IQGAP2: variants seen among roughly 807,000 people sequenced by gnomAD.
IQGAP2 encodes the protein ras GTPase-activating-like protein IQGAP2.
A neutral mutation model predicts 201.3 loss-of-function variants in IQGAP2; 173 were observed. The ratio of observed to expected loss-of-function variants is 0.86; its 90% CI spans 0.76 to 0.98. The LOEUF (loss-of-function observed/expected upper bound fraction) is 0.98, where lower values mean the gene tolerates loss of function less well. Ranked by LOEUF, IQGAP2 falls within the 50% of genes least tolerant of loss-of-function variation. The pLI is 0.00. For synonymous variants in IQGAP2, 675 were observed against 673.9 expected (o/e 1.00, Z -0.03); for missense variants, 1,687 against 1,864.8 (o/e 0.90, Z 1.76).
At chr5:76,525,640 G>T (rs759427484) in intron 2 of IQGAP2, among the ~76,000 whole-genome samples, 1 of 152,194 alleles carries the variant, frequency 6.6e-6, no homozygotes, top group Non-Finnish European at 1.5e-5. Context: ...AGCTCCTTTA[G>T]CAGGCTGAAA....
At chr5:76,654,299 C>T (rs369745220) in intron 19 of IQGAP2, 28 bp downstream of exon 19, 1 of 1,453,894 alleles carries the variant, frequency 6.9e-7, no homozygotes, top group Non-Finnish European at 9.6e-7. Context: ...GGGATTTTAT[C>T]CAGGTTGATA....
intron 16 of IQGAP2, among the ~76,000 whole-genome samples, chr5:76,640,062 AT>A: frequency 6.6e-6 from 1 of 152,336 alleles, no homozygotes; most frequent in African/African-American, 2.4e-5. Flanking sequence ...GTCTGTTAAG[AT>A]TATTAACCAG....
rs1330208366 is a variant in IQGAP2, at chr5:76,674,699, C to T, written c.3517C>T (p.Gln1173Ter). 1 of 1,610,004 alleles carries T rather than the reference C, an allele frequency of 6.2e-7. No individual in the cohort carries two copies. Among genetic ancestry groups the T allele is most frequent in the Admixed American group, 1.7e-5 (1 of 60,014 alleles). The change falls in exon 27 of 36, where the codon CAG becomes TAG. Residue 1173 changes from glutamine (Q) to a stop codon, truncating the protein, a stop_gained. Transcript: ENST00000274364. LOFTEE classifies it high-confidence loss of function. The stretch of plus-strand genomic sequence containing the variant: ...GAACAATTATTTATCAGAGACGTAT[C>T]AGGAATTCAGGTGAGAGGGGCCCTT... ...SMNNYLSETY[Q>*]EFRKYFKEAC... is the part of the protein sequence containing the mutation.
Position 76,487,252 on chromosome 5 carries a change from C to T in IQGAP2, c.146+25583C>T, listed in dbSNP as rs1756218047. Among the ~76,000 whole-genome samples, 3 of 152,202 alleles carry T rather than the reference C, an allele frequency of 2.0e-5. No individual in the cohort carries two copies. The South Asian group carries it at 6.2e-4, about 32-fold the overall frequency. ...TAGCTGGGATTACAGGTGCCCACCA[C>T]CACGCCCAGCTAATTTTTGGATTTT... On this transcript the variant is annotated intron_variant, in intron 2 of 35. Transcript: ENST00000274364.
chr5:76,441,821 G>A (rs901824457), intron 1 of IQGAP2, among the ~76,000 whole-genome samples: 4 of 152,164 alleles, frequency 2.6e-5, no homozygotes, highest in African/African-American at 9.7e-5. Context: ...CCATAAAGAG[G>A]GCATTCAAAG....
chr5:76,457,637 A>T (rs1754180317), intron 1 of IQGAP2, among the ~76,000 whole-genome samples: 2 of 152,160 alleles, frequency 1.3e-5, no homozygotes, highest in African/African-American at 4.8e-5. Context: ...GGGGAAATTA[A>T]ACAGCGACCA....
At chr5:76,698,599 C>T (rs973677660) in intron 33 of IQGAP2, among the ~76,000 whole-genome samples, 6 of 152,098 alleles carry the variant, frequency 3.9e-5, no homozygotes. Flanking sequence ...ATTATTGACA[C>T]AACTGGCAAA....
chr5:76,509,029 A>ATGTG (rs70982616), intron 2 of IQGAP2, among the ~76,000 whole-genome samples: 1,797 of 148,930 alleles, frequency 0.012, 12 homozygotes, highest in Middle Eastern at 0.024. Context: ...CTGTATATAT[A>ATGTG]TGTGTGTGTG....
Position 76,558,901 on chromosome 5 carries a change from CT to C in IQGAP2, c.147-3484del, listed in dbSNP as rs543155441. Among the ~76,000 whole-genome samples, 41 of 147,504 alleles carry C rather than the reference CT, an allele frequency of 2.8e-4. 1 individual carries two copies. The South Asian group carries it at 4.1e-3, about 15-fold the overall frequency. ...GGCTGGTAATCTCTTGTCTGTTTTT[CT>C]TTTTTTTTTTCTTTTTGAGACGGAG... On this transcript the variant is annotated intron_variant, in intron 2 of 35. Transcript: ENST00000274364.
At chr5:76,626,265 C>CTTTTTTTTTTTTTTTTT (rs1750218703) in intron 13 of IQGAP2, among the ~76,000 whole-genome samples, 1 of 57,484 alleles carries the variant, frequency 1.7e-5, no homozygotes, top group Non-Finnish European at 3.4e-5. Flanking sequence ...TTTTTTTCTT[C>CTTTTTTTTTTTTTTTTT]TTTTCTTTTT....
At position 76,627,530 on chromosome 5, in the gene IQGAP2, C is replaced by T. The variant is rs756840214; in HGVS notation, c.1612+30C>T. 7.2e-5 allele frequency: 91 copies of T among 1,270,588 alleles called. No individual in the cohort carries two copies. In the East Asian group the frequency reaches 2.0e-3, roughly 29 times the overall value. The allele number at this position is 1,270,588 out of a possible 1,614,324, so 78.7% of individuals were successfully genotyped here. A position where few individuals can be genotyped will look rare whatever the true frequency, so the allele number is the denominator to read the frequency against. The stretch of plus-strand genomic sequence containing the variant: ...GCCCTCACCTCCTTTGCTCTTGAAA[C>T]TTGCCTTTTTGGATTTGGTTATGTG... On this transcript the variant is annotated intron_variant, in intron 14 of 35. Transcript: ENST00000274364.
intron 2 of IQGAP2, among the ~76,000 whole-genome samples, chr5:76,554,565 T>C (rs207466140): frequency 3.3e-5 from 5 of 152,206 alleles, no homozygotes; most frequent in Non-Finnish European, 5.9e-5. Flanking sequence ...AAAAAGAAGC[T>C]GAATATCATT....
intron 1 of IQGAP2, among the ~76,000 whole-genome samples, chr5:76,413,156 C>CTTTTTTTTTTTTTTTTTTTTTTT (rs567410789): frequency 2.4e-5 from 2 of 83,720 alleles, no homozygotes; most frequent in Admixed American, 1.5e-4. Flanking sequence ...TTTCTTTTCT[C>CTTTTTTTTTTTTTTTTTTTTTTT]TTTTTTTTTT....
chr5:76,626,245 TTC>T (rs1420495283), intron 13 of IQGAP2, among the ~76,000 whole-genome samples: 9 of 139,024 alleles, frequency 6.5e-5, no homozygotes, highest in Non-Finnish European at 1.2e-4. Context: ...TGTATTATAA[TTC>T]TTTTTCTTTT....
At chr5:76,685,269 A>C (rs1172997640) in intron 30 of IQGAP2, among the ~76,000 whole-genome samples, 4 of 152,220 alleles carry the variant, frequency 2.6e-5, no homozygotes, top group Non-Finnish European at 5.9e-5. Flanking sequence ...AACAAGTGCC[A>C]ATTATAAAGA....
chr5:76,620,790 C>A (rs2069661), intron 13 of IQGAP2, among the ~76,000 whole-genome samples: 3,863 of 152,098 alleles, frequency 0.025, 65 homozygotes, highest in South Asian at 0.077. Context: ...AAGATGAAAT[C>A]GGTATGAGGA....
chr5:76,570,901 C>T (rs1412654725), intron 4 of IQGAP2, among the ~76,000 whole-genome samples: 1 of 152,148 alleles, frequency 6.6e-6, no homozygotes, highest in East Asian at 1.9e-4. Context: ...CAAGCTATAG[C>T]TGGTAGATAG....
rs540744402 is a variant in IQGAP2 at position 76,667,877 on chromosome 5, C to CTT, written c.2680-782_2680-781dup. ...TGTAGCCGGGCCCTTAGTCCACTTT[C>CTT]TTTTTTTTTTTTTTTTTTTTTTTGA... On this transcript the variant is annotated intron_variant, in intron 22 of 35. Coordinates refer to ENST00000274364, the MANE Select transcript of IQGAP2 (RefSeq NM_006633.5). 3.9e-4 allele frequency among the ~76,000 whole-genome samples: 48 copies of CTT among 123,416 alleles called. 1 individual carries two copies. Among genetic ancestry groups the CTT allele is most frequent in the African/African-American group, 8.8e-4 (28 of 31,942 alleles). 81.0% of individuals were successfully genotyped at this position (123,416 alleles called of 152,430 possible). A position where few individuals can be genotyped will look rare whatever the true frequency, so the allele number is the denominator to read the frequency against.
intron 1 of IQGAP2, among the ~76,000 whole-genome samples, chr5:76,450,759 A>T (rs191219012): frequency 5.3e-4 from 80 of 152,290 alleles, no homozygotes; most frequent in African/African-American, 1.8e-3. Context: ...TTCATATCCT[A>T]CTTAAACCAG....
Sources: allele counts gnomAD v4.1 joint callset (sites outside exome capture counted in the v4.1 genomes callset), GRCh38; gene constraint gnomAD v4.1.1; transcripts MANE v1.5; gene names NCBI Gene and HGNC (gene_info 2026-07-23, HGNC 2026-07-21).